The following LTBP2 variants were observed in gnomAD, a reference collection of about 807,000 sequenced individuals.
The protein encoded by LTBP2 is latent-transforming growth factor beta-binding protein 2.
A neutral mutation model predicts 210.6 loss-of-function variants in LTBP2; 103 were observed. The observed-to-expected ratio is 0.49, with a 90% CI of 0.42 to 0.58. The LOEUF (loss-of-function observed/expected upper bound fraction) is 0.58, where lower values mean the gene tolerates loss of function less well. Ranked by LOEUF, LTBP2 falls within the 20% of genes least tolerant of loss-of-function variation. The pLI is 0.00. For missense variants in LTBP2, 2,313 were observed against 2,494.5 expected, an observed-to-expected ratio of 0.93 and a Z score of 1.55; for synonymous variants, 1,007 against 1,015.0, an observed-to-expected ratio of 0.99 and a Z score of 0.15.
In LTBP2 at chr14:74,498,570, T is replaced by C. The variant is rs2086876174; in HGVS notation, c.*2314A>G. ...GTGCAGAACAGCATGCATAGTATGC[T>C]ATTTGTATTTTAAACAAAGGAAATA... On this transcript the variant is annotated 3_prime_UTR_variant, in exon 36 of 36. Transcript: ENST00000261978. 1 of 228,486 alleles carries C rather than the reference T, an allele frequency of 4.4e-6. No individual in the cohort carries two copies. Among genetic ancestry groups the C allele is most frequent in the Non-Finnish European group, 8.7e-6 (1 of 115,020 alleles). 14.2% of individuals were successfully genotyped at this position (228,486 alleles called of 1,614,324 possible). A position where few individuals can be genotyped will look rare whatever the true frequency, so the allele number is the denominator to read the frequency against.
Position 74,585,891 on chromosome 14 carries a change from G to T in LTBP2, c.793C>A (p.Pro265Thr). 1 of 1,613,994 alleles carries T rather than the reference G, an allele frequency of 6.2e-7. No individual in the cohort carries two copies. The highest frequency in any genetic ancestry group is 8.5e-7 in the Non-Finnish European group (1 of 1,179,900). Residue 265 changes from proline to threonine, a missense_variant, in exon 3 of 36, where the codon CCA (proline) becomes ACA (threonine). By Grantham distance (38) the Pro-to-Thr change is conservative (BLOSUM62 -1). Transcript: ENST00000261978. Reference protein sequence around the residue: ...GTLARAQPPAPQSPPAPQSPP... With the variant: ...GTLARAQPPATQSPPAPQSPP... ...GACTGTGGTGCGGGCGGCGACTGTG[G>T]TGCTGGCGGCTGTGCTCTGGCCAAG...
At chr14:74,545,667 T>C (rs1198784875) in intron 8 of LTBP2, among the ~76,000 whole-genome samples, 1 of 152,250 alleles carries the variant, frequency 6.6e-6, no homozygotes, top group Non-Finnish European at 1.5e-5. Context: ...AGCCCAGATG[T>C]CTGTCTTTCT....
At chr14:74,511,402 A>G (rs370219267) in intron 18 of LTBP2, 38 bp from the exon 19 acceptor site, 1 of 1,613,296 alleles carries the variant, frequency 6.2e-7, no homozygotes, top group African/African-American at 1.3e-5. Context: ...CATCCCTGGG[A>G]ACATAGCAAA....
intron 11 of LTBP2, 29 bp downstream of exon 11, chr14:74,528,929 T>G: frequency 6.2e-7 from 1 of 1,608,240 alleles, no homozygotes; most frequent in Non-Finnish European, 8.5e-7. Flanking sequence ...CCCTGGGCAG[T>G]GAAAGCTGGG....
chr14:74,506,621 C>T (rs1566613982), intron 27 of LTBP2, 77 bp downstream of exon 27: 1 of 1,598,044 alleles, frequency 6.3e-7, no homozygotes, highest in Non-Finnish European at 8.5e-7. Flanking sequence ...GCCACGTGAC[C>T]AGGACCAGTT....
At chr14:74,546,126 C>T (rs2087572509) in intron 8 of LTBP2, among the ~76,000 whole-genome samples, 1 of 152,182 alleles carries the variant, frequency 6.6e-6, no homozygotes, top group African/African-American at 2.4e-5. Flanking sequence ...CCCTATCACT[C>T]CCACCACTGC....
At chr14:74,513,342 G>C (rs993678552) in intron 18 of LTBP2, among the ~76,000 whole-genome samples, 68 of 152,374 alleles carry the variant, frequency 4.5e-4, no homozygotes, top group African/African-American at 1.5e-3. Flanking sequence ...GAGTGCGTAT[G>C]ATACGGATAA....
At chr14:74,602,544 C>T (rs2088462960) in intron 2 of LTBP2, among the ~76,000 whole-genome samples, 2 of 152,340 alleles carry the variant, frequency 1.3e-5, no homozygotes, top group Middle Eastern at 3.4e-3. Flanking sequence ...TAGCTCTGCA[C>T]TTCCTGACTA....
At chr14:74,503,640 G>A (rs1352750716) in intron 31 of LTBP2, 34 bp from the exon 32 acceptor site, 3 of 1,611,078 alleles carry the variant, frequency 1.9e-6, no homozygotes, top group Admixed American at 3.3e-5. Flanking sequence ...GCATTGCCAA[G>A]GTGGCCTTTC....
chr14:74,593,936 T>C (rs1220830848), intron 2 of LTBP2, among the ~76,000 whole-genome samples: 3 of 151,972 alleles, frequency 2.0e-5, no homozygotes, highest in East Asian at 3.9e-4. Flanking sequence ...AAATGAACAA[T>C]ATGAAGCGCT....
intron 8 of LTBP2, among the ~76,000 whole-genome samples, chr14:74,542,799 G>C (rs974044049): frequency 7.0e-6 from 1 of 143,374 alleles, no homozygotes; most frequent in African/African-American, 2.6e-5. Flanking sequence ...ATGGAGTCTA[G>C]CTCTGTCACC....
Position 74,501,033 on chromosome 14 carries a change from A to G in LTBP2, c.5321-4T>C. The stretch of plus-strand genomic sequence containing the variant: ...AAGTCATCACACTCATTCACATCTA[A>G]GAGGAAACAAAGGAGAGTGCTGTAG... On this transcript the variant is annotated splice_region_variant and splice_polypyrimidine_tract_variant and intron_variant, in intron 35 of 35. Transcript: ENST00000261978. 2 of 1,612,884 alleles carry G rather than the reference A, an allele frequency of 1.2e-6. No individual in the cohort carries two copies. The highest frequency in any genetic ancestry group is 1.1e-5 in the South Asian group (1 of 90,796).
intron 3 of LTBP2, among the ~76,000 whole-genome samples, chr14:74,570,520 A>G (rs2087961160): frequency 6.6e-6 from 1 of 152,224 alleles, no homozygotes; most frequent in South Asian, 2.1e-4. Flanking sequence ...GCCATAAACA[A>G]AAGGAGATTT....
chr14:74,568,445 T>C (rs1379616466), intron 3 of LTBP2, among the ~76,000 whole-genome samples: 1 of 149,982 alleles, frequency 6.7e-6, no homozygotes, highest in African/African-American at 2.5e-5. Context: ...GAGGAAGGGG[T>C]GGGGAGTGCA....
At chr14:74,577,510 T>A (rs2088074654) in intron 3 of LTBP2, among the ~76,000 whole-genome samples, 1 of 151,558 alleles carries the variant, frequency 6.6e-6, no homozygotes, top group South Asian at 2.1e-4. Context: ...ATCTCTTTTT[T>A]TTTTTTTTTT....
chr14:74,572,486 G>A (rs994283331), intron 3 of LTBP2, among the ~76,000 whole-genome samples: 8 of 148,824 alleles, frequency 5.4e-5, no homozygotes, highest in Non-Finnish European at 1.0e-4. Context: ...CTTTGCTAAA[G>A]TTATTTTCAC....
chr14:74,567,629 G>C (rs553922275), intron 3 of LTBP2, among the ~76,000 whole-genome samples: 9 of 152,242 alleles, frequency 5.9e-5, no homozygotes, highest in African/African-American at 1.7e-4. Context: ...GGCCCAGCTG[G>C]ACCACCCAAA....
intron 3 of LTBP2, among the ~76,000 whole-genome samples, chr14:74,557,032 C>A (rs372671092): frequency 6.6e-5 from 10 of 152,160 alleles, no homozygotes; most frequent in African/African-American, 1.9e-4. Flanking sequence ...GAGGTCCATG[C>A]GGGCAGATCA....
At chr14:74,582,767 T>C (rs1015525462) in intron 3 of LTBP2, among the ~76,000 whole-genome samples, 2 of 152,192 alleles carry the variant, frequency 1.3e-5, no homozygotes, top group African/African-American at 4.8e-5. Flanking sequence ...GGGACCACGT[T>C]AGAGCTGATC....
Sources: allele counts gnomAD v4.1 joint callset (sites outside exome capture counted in the v4.1 genomes callset), GRCh38; gene constraint gnomAD v4.1.1; transcripts MANE v1.5; gene names NCBI Gene and HGNC (gene_info 2026-07-23, HGNC 2026-07-21).